E2F5: variants seen among roughly 807,000 people sequenced by gnomAD.
The protein encoded by E2F5 is E2F transcription factor 5.
In E2F5, 23 loss-of-function variants were observed where a neutral mutation model predicts 39.1. That is an observed-to-expected ratio of 0.59 (90% confidence interval 0.42 to 0.83). The LOEUF is 0.83. E2F5 is among the 40% of genes least tolerant of loss of function. The pLI, the probability that E2F5 is intolerant of heterozygous loss-of-function variation, is 0.00. For synonymous variants in E2F5, 145 were observed against 157.8 expected (o/e 0.92, Z 0.61); for missense variants, 365 against 406.7 (o/e 0.90, Z 0.88).
In E2F5 at chr8:85,214,441, A is replaced by G; in HGVS notation, c.*579A>G. 1.4e-6 allele frequency: 1 copy of G among 724,362 alleles called. No individual in the cohort carries two copies. Among genetic ancestry groups the G allele is most frequent in the Non-Finnish European group, 2.4e-6 (1 of 409,210 alleles). The allele number at this position is 724,362 out of a possible 1,614,324, so 44.9% of individuals were successfully genotyped here. ...CCTAGGTTATAGGAAAGATCTGTTT[A>G]TGTAGTTTGTTTTTAAAATGTGCCA... On this transcript the variant is annotated 3_prime_UTR_variant, in exon 8 of 8. Coordinates refer to ENST00000416274, the MANE Select transcript of E2F5 (RefSeq NM_001951.4).
At position 85,206,077 on chromosome 8, in the gene E2F5, G is replaced by A. The variant is rs540819102; in HGVS notation, c.507-100G>A. On this transcript the variant is annotated intron_variant, in intron 3 of 7. Transcript: ENST00000416274. ...TGTCCATGTGTGGCAGTCCCTCTGT[G>A]CATATGGTCATTTAGTTATTTTGAC... is the stretch of plus-strand genomic sequence containing the variant. The A allele has an allele frequency of 2.0e-5, 22 of 1,112,066 alleles. No individual in the cohort carries two copies. The African/African-American group carries it at 2.9e-4, about 15-fold the overall frequency. 68.9% of individuals were successfully genotyped at this position (1,112,066 alleles called of 1,614,324 possible). A position where few individuals can be genotyped will look rare whatever the true frequency, so the allele number is the denominator to read the frequency against.
intron 5 of E2F5, among the ~76,000 whole-genome samples, chr8:85,208,426 G>C (rs1273102515): frequency 6.6e-6 from 1 of 152,132 alleles, no homozygotes; most frequent in Non-Finnish European, 1.5e-5. Flanking sequence ...CTTTAAATTA[G>C]GTCTTTTATA....
rs973314418 is a variant in E2F5, at chr8:85,180,013, A to T, written c.234+2359A>T. The stretch of plus-strand genomic sequence containing the variant: ...GATATTTCTTATTATACACCATAGT[A>T]AAAGATCGTTAAAGCCTTTTTTTTT... On this transcript the variant is annotated intron_variant, in intron 1 of 7. Coordinates refer to ENST00000416274, the MANE Select transcript of E2F5 (RefSeq NM_001951.4). Among the ~76,000 whole-genome samples, 3 of 147,460 alleles carry T rather than the reference A, an allele frequency of 2.0e-5. No homozygotes were observed. In the Admixed American group the frequency reaches 2.0e-4, roughly 10 times the overall value.
chr8:85,203,164 G>T lies in E2F5; in HGVS notation c.415G>T (p.Asp139Tyr). 1 of 1,606,074 alleles carries T rather than the reference G, an allele frequency of 6.2e-7. No homozygotes were observed. The highest frequency in any genetic ancestry group is 8.5e-7 in the Non-Finnish European group (1 of 1,175,970). ...AAGATATCTTAAAGCTGAAATTGAA[G>T]ATCTAGAACTGAAGGAAAGAGAACT... The part of the protein sequence containing the change: ...RLRYLKAEIE[D>Y]LELKERELDQ... Residue 139 changes from aspartate (D) to tyrosine (Y), a missense_variant, in exon 3 of 8, where the codon GAT becomes TAT. Asp to Tyr is a radical substitution (Grantham distance 160). Coordinates refer to ENST00000416274, the MANE Select transcript of E2F5 (RefSeq NM_001951.4).
At chr8:85,180,104 T>G (rs934473948) in intron 1 of E2F5, among the ~76,000 whole-genome samples, 3 of 151,756 alleles carry the variant, frequency 2.0e-5, no homozygotes, top group Non-Finnish European at 2.9e-5. Context: ...CACTGCAACC[T>G]CCACCTCCCG....
Position 85,212,159 on chromosome 8 carries a change from G to C in E2F5, c.886G>C (p.Gly296Arg). 1 of 1,608,978 alleles carries C rather than the reference G, an allele frequency of 6.2e-7. No homozygotes were observed. The highest frequency in any genetic ancestry group is 8.5e-7 in the Non-Finnish European group (1 of 1,177,320). The change falls in exon 7 of 8, where the codon GGA (glycine) becomes CGA (arginine). Residue 296 changes from glycine (G) to arginine (R), a missense_variant and splice_region_variant. Transcript: ENST00000416274. ...QTSATDISSA[G>R]SISGDIIDEL... Reference sequence around the variant, plus strand: ...CAAAACTTTATTACTGTTTCCAGCAGGATCTATTAGTGGAGATATCATTGA... The same window carrying C: ...CAAAACTTTATTACTGTTTCCAGCACGATCTATTAGTGGAGATATCATTGA...
chr8:85,180,432 TGGG>T (rs1812178558), intron 1 of E2F5, among the ~76,000 whole-genome samples: 1 of 149,998 alleles, frequency 6.7e-6, no homozygotes, highest in African/African-American at 2.4e-5. Context: ...CTTACTTTGG[TGGG>T]GGCATATTTC....
At chr8:85,193,186 T>C (rs112998121) in intron 1 of E2F5, among the ~76,000 whole-genome samples, 247 of 152,214 alleles carry the variant, frequency 1.6e-3, no homozygotes, top group Admixed American at 2.7e-3. Context: ...ATACTTTACA[T>C]ATATTAAAAT....
At chr8:85,188,461 G>T (rs955532038) in intron 1 of E2F5, among the ~76,000 whole-genome samples, 6 of 152,062 alleles carry the variant, frequency 3.9e-5, no homozygotes, top group African/African-American at 1.4e-4. Flanking sequence ...GCTTTGTGGG[G>T]TTTGGTATTC....
chr8:85,211,198 C>CAATA (rs1812911906), intron 6 of E2F5, among the ~76,000 whole-genome samples: 1 of 125,406 alleles, frequency 8.0e-6, no homozygotes, highest in African/African-American at 3.1e-5. Context: ...CCAACCTGGG[C>CAATA]AATACAGTGA....
At chr8:85,196,232 C>T (rs768256415) in intron 1 of E2F5, among the ~76,000 whole-genome samples, 7 of 152,012 alleles carry the variant, frequency 4.6e-5, no homozygotes, top group Non-Finnish European at 1.0e-4. Flanking sequence ...ATTTGGTAGC[C>T]CTTACAGACC....
At chr8:85,212,903 A>T (rs1812970206) in intron 7 of E2F5, 1 of 50,300 alleles carries the variant, frequency 2.0e-5, no homozygotes, top group Non-Finnish European at 4.1e-5. Flanking sequence ...TTTTTTTTTA[A>T]GGCAGAGTCT....
chr8:85,204,503 G>A (rs1448706099), intron 3 of E2F5, among the ~76,000 whole-genome samples: 1 of 140,736 alleles, frequency 7.1e-6, no homozygotes, highest in Non-Finnish European at 1.5e-5. Context: ...GAGAACACAT[G>A]GACACAGGAA....
At chr8:85,211,151 C>A (rs1014051097) in intron 6 of E2F5, among the ~76,000 whole-genome samples, 4 of 149,690 alleles carry the variant, frequency 2.7e-5, no homozygotes, top group African/African-American at 9.9e-5. Flanking sequence ...TTTGGGAGGC[C>A]GAGGCAGGTA....
chr8:85,188,639 G>A (rs527363407), intron 1 of E2F5, among the ~76,000 whole-genome samples: 1 of 152,256 alleles, frequency 6.6e-6, no homozygotes, highest in East Asian at 1.9e-4. Flanking sequence ...GCCTGGCATT[G>A]GTGCAGCCCA....
intron 7 of E2F5, chr8:85,212,495 A>C (rs1232502971): frequency 1.1e-5 from 3 of 275,242 alleles, no homozygotes; most frequent in Admixed American, 5.4e-5. Flanking sequence ...GAAGAGTAAA[A>C]TAACTTGTCT....
chr8:85,210,298 T>A (rs954948448), intron 6 of E2F5, among the ~76,000 whole-genome samples: 35 of 152,164 alleles, frequency 2.3e-4, no homozygotes, highest in African/African-American at 8.4e-4. Context: ...ACATGGAATG[T>A]TTTTTAGCTT....
intron 1 of E2F5, among the ~76,000 whole-genome samples, chr8:85,187,220 G>C (rs1323922439): frequency 1.3e-5 from 2 of 151,912 alleles, no homozygotes; most frequent in Non-Finnish European, 2.9e-5. Flanking sequence ...TTGTTTTTTG[G>C]CCTCATATAT....
At chr8:85,195,492 TC>T (rs1812561154) in intron 1 of E2F5, among the ~76,000 whole-genome samples, 1 of 152,170 alleles carries the variant, frequency 6.6e-6, no homozygotes, top group African/African-American at 2.4e-5. Flanking sequence ...ATTTATTTTT[TC>T]TTTTTTTCCT....
Sources: gnomAD v4.1 joint callset for allele counts (sites outside exome capture counted in the v4.1 genomes callset) on GRCh38, gnomAD v4.1.1 for gene constraint, MANE v1.5 for transcripts, NCBI Gene and HGNC (gene_info 2026-07-23, HGNC 2026-07-21) for gene names.